Variants in TMT1A observed in about 807,000 individuals in gnomAD.
TMT1A encodes thiol methyltransferase 1A.
At chr12:50,926,825 A>G in the TMT1A span, among the ~76,000 whole-genome samples, 1 of 152,240 alleles carries the variant, frequency 6.6e-6, no homozygotes, top group Non-Finnish European at 1.5e-5. Flanking sequence ...GATTGGATTC[A>G]GGGAAAGAAT....
the TMT1A span, chr12:50,925,480 T>G: frequency 1.9e-6 from 3 of 1,614,046 alleles, no homozygotes; most frequent in Non-Finnish European, 2.5e-6. Context: ...CCTGGTGCTG[T>G]GCTCTGTGAA....
the TMT1A span, among the ~76,000 whole-genome samples, chr12:50,929,426 G>A: frequency 6.6e-6 from 1 of 152,156 alleles, no homozygotes; most frequent in African/African-American, 2.4e-5. Context: ...CCACAATTTT[G>A]TGAGGTGACT....
the TMT1A span, among the ~76,000 whole-genome samples, chr12:50,926,326 A>T: frequency 6.6e-6 from 1 of 152,174 alleles, no homozygotes; most frequent in Non-Finnish European, 1.5e-5. Flanking sequence ...ACTGTTAGGG[A>T]CTTCTTTTAA....
the TMT1A span, chr12:50,925,543 G>A: frequency 6.2e-7 from 1 of 1,610,908 alleles, no homozygotes; most frequent in Non-Finnish European, 8.5e-7. Flanking sequence ...ACCGGTGAGT[G>A]AAAGGGTGTG....
the TMT1A span, among the ~76,000 whole-genome samples, chr12:50,925,705 T>C: frequency 3.9e-5 from 6 of 152,102 alleles, no homozygotes; most frequent in East Asian, 3.8e-4. Context: ...AAGAGAAAGA[T>C]TGATAAATCT....
chr12:50,925,291 T>C, the TMT1A span: 1 of 1,614,210 alleles, frequency 6.2e-7, no homozygotes, highest in Non-Finnish European at 8.5e-7. Flanking sequence ...GGGGGCCAAC[T>C]TCAAGTTCTA....
At chr12:50,926,382 T>C in the TMT1A span, among the ~76,000 whole-genome samples, 1 of 152,228 alleles carries the variant, frequency 6.6e-6, no homozygotes, top group South Asian at 2.1e-4. Flanking sequence ...GACACCACCA[T>C]ACACATTAGA....
At chr12:50,929,241 TAATA>T in the TMT1A span, among the ~76,000 whole-genome samples, 1 of 152,006 alleles carries the variant, frequency 6.6e-6, no homozygotes, top group Non-Finnish European at 1.5e-5. Context: ...TCTCAAGAAA[TAATA>T]AATGAATAAA....
chr12:50,929,994 T>C, the TMT1A span: 1 of 1,614,174 alleles, frequency 6.2e-7, no homozygotes, highest in South Asian at 1.1e-5. Context: ...TCCTGGATCC[T>C]GCCTGGCACC....
At chr12:50,927,708 T>A in the TMT1A span, among the ~76,000 whole-genome samples, 1 of 152,216 alleles carries the variant, frequency 6.6e-6, no homozygotes, top group African/African-American at 2.4e-5. Flanking sequence ...TTTAACCCTG[T>A]CAACAGTCCT....
the TMT1A span, among the ~76,000 whole-genome samples, chr12:50,927,817 T>C: frequency 2.0e-4 from 31 of 152,322 alleles, no homozygotes; most frequent in East Asian, 5.4e-3. Context: ...CTCTCTTTAA[T>C]GCAAATGCAA....
the TMT1A span, among the ~76,000 whole-genome samples, chr12:50,929,119 C>T: frequency 6.6e-6 from 1 of 152,096 alleles, no homozygotes; most frequent in South Asian, 2.1e-4. Flanking sequence ...CCTGTTGTCC[C>T]AGCTACTTGG....
chr12:50,927,078 G>A, the TMT1A span, among the ~76,000 whole-genome samples: 1 of 152,162 alleles, frequency 6.6e-6, no homozygotes, highest in Admixed American at 6.5e-5. Context: ...GGAGTGCAGT[G>A]GCATGATCAC....
the TMT1A span, among the ~76,000 whole-genome samples, chr12:50,927,082 T>A: frequency 6.6e-6 from 1 of 152,182 alleles, no homozygotes; most frequent in East Asian, 1.9e-4. Context: ...TGCAGTGGCA[T>A]GATCACAGCT....
chr12:50,926,081 AACAAAGTTAAACTAC>A, the TMT1A span, among the ~76,000 whole-genome samples: 1 of 151,436 alleles, frequency 6.6e-6, no homozygotes, highest in Non-Finnish European at 1.5e-5. Context: ...AACTCCCCAA[AACAAAGTTAAACTAC>A]AAAACAAGCT....
At chr12:50,927,144 C>T in the TMT1A span, among the ~76,000 whole-genome samples, 29 of 152,136 alleles carry the variant, frequency 1.9e-4, 1 homozygote, top group South Asian at 1.5e-3. Context: ...CTCAGCCTCC[C>T]CACCCTCCCA....
the TMT1A span, chr12:50,930,015 T>C: frequency 6.2e-7 from 1 of 1,614,148 alleles, no homozygotes; most frequent in Non-Finnish European, 8.5e-7. Flanking sequence ...TTCTGTTTGA[T>C]GGGTGCAACC....
the TMT1A span, among the ~76,000 whole-genome samples, chr12:50,928,521 T>C: frequency 6.6e-6 from 1 of 152,200 alleles, no homozygotes; most frequent in Non-Finnish European, 1.5e-5. Flanking sequence ...CCAGCGTGCA[T>C]GTGGGGCCTT....
At chr12:50,926,781 GTAACTAT>G in the TMT1A span, among the ~76,000 whole-genome samples, 1 of 152,312 alleles carries the variant, frequency 6.6e-6, no homozygotes, top group East Asian at 1.9e-4. Context: ...TGACAGACAA[GTAACTAT>G]TAACAGTGGT....
Sources: gnomAD v4.1 joint callset for allele counts (sites outside exome capture counted in the v4.1 genomes callset) on GRCh38, gnomAD v4.1.1 for gene constraint, MANE v1.5 for transcripts, NCBI Gene and HGNC (gene_info 2026-07-23, HGNC 2026-07-21) for gene names.